XXYLT1: variants seen among roughly 807,000 people sequenced by gnomAD.
XXYLT1 encodes UDP-xylose:alpha-xyloside alpha-1,3-xylosyltransferase.
A neutral mutation model predicts 28.9 loss-of-function variants in XXYLT1; 20 were observed. That is an observed-to-expected ratio of 0.69 (90% confidence interval 0.49 to 1.00). XXYLT1 has a LOEUF of 1.00. Among genes scored for constraint, XXYLT1 ranks in the 50% least tolerant of loss-of-function variants. The pLI, the probability that XXYLT1 is intolerant of heterozygous loss-of-function variation, is 0.00. For synonymous variants in XXYLT1, 257 were observed against 253.8 expected (o/e 1.01, Z -0.12); for missense variants, 542 against 560.1 (o/e 0.97, Z 0.33).
rs1269390915 is a variant in XXYLT1 at position 195,115,449 on chromosome 3, C to T, written c.785+41000G>A. 6.6e-6 allele frequency among the ~76,000 whole-genome samples: 1 copy of T among 152,164 alleles called. No individual in the cohort carries two copies. The highest frequency in any genetic ancestry group is 1.5e-5 in the Non-Finnish European group (1 of 68,038). On this transcript the variant is annotated intron_variant, in intron 3 of 3. Transcript: ENST00000310380. The surrounding 1 kb of genome is among the most constrained non-coding windows in gnomAD (Gnocchi z 4.2). ...CAAAAGGCCCAGCCGGAAACCTGCC[C>T]CTTGAGCCCCTCCAACAATGTTGTA...
intron 3 of XXYLT1, among the ~76,000 whole-genome samples, chr3:195,072,163 C>T (rs968370799): frequency 3.3e-5 from 5 of 151,970 alleles, no homozygotes; most frequent in African/African-American, 1.2e-4. Context: ...GAAAGGCAGG[C>T]GTGGGGTGGA....
At chr3:195,126,483 G>C (rs1246404837) in intron 3 of XXYLT1, among the ~76,000 whole-genome samples, 4 of 152,212 alleles carry the variant, frequency 2.6e-5, no homozygotes, top group African/African-American at 4.8e-5. Context: ...GGATATAAAA[G>C]TGATGAAGGC....
At chr3:195,127,832 A>G (rs1049538676) in intron 3 of XXYLT1, among the ~76,000 whole-genome samples, 1 of 152,214 alleles carries the variant, frequency 6.6e-6, no homozygotes, top group Non-Finnish European at 1.5e-5. Flanking sequence ...AGGAAGTATT[A>G]ATAAAAAGTA....
rs540148249 is a variant in XXYLT1, at chr3:195,096,466, G to A, written c.786-26355C>T. ...ACTTACATAATACACATGCACATAC[G>A]CACACGTGTACGTAACAGACGCACA... On this transcript the variant is annotated intron_variant, in intron 3 of 3. Transcript: ENST00000310380. Among the ~76,000 whole-genome samples, 12 of 152,192 alleles carry A rather than the reference G, an allele frequency of 7.9e-5. No individual in the cohort carries two copies. The South Asian group carries it at 1.9e-3, about 24-fold the overall frequency.
At chr3:195,116,814 T>C (rs1718066106) in intron 3 of XXYLT1, among the ~76,000 whole-genome samples, 1 of 152,180 alleles carries the variant, frequency 6.6e-6, no homozygotes, top group African/African-American at 2.4e-5. Flanking sequence ...CTTGTTCTCC[T>C]TTCTGGAACC....
intron 3 of XXYLT1, among the ~76,000 whole-genome samples, chr3:195,126,251 C>G (rs1264204463): frequency 6.6e-6 from 1 of 152,192 alleles, no homozygotes; most frequent in Non-Finnish European, 1.5e-5. Flanking sequence ...CAGACCCAGG[C>G]CTGCGGAAAC....
At chr3:195,236,099 ACT>A (rs1418779793) in intron 1 of XXYLT1, among the ~76,000 whole-genome samples, 3 of 151,836 alleles carry the variant, frequency 2.0e-5, no homozygotes, top group African/African-American at 7.3e-5. Flanking sequence ...CTAGCTGACT[ACT>A]CTCTATGTTC....
In XXYLT1 at chr3:195,191,249, C is replaced by T. The variant is rs574418863; in HGVS notation, c.653-34668G>A. On this transcript the variant is annotated intron_variant, in intron 2 of 3. Coordinates refer to ENST00000310380, the MANE Select transcript of XXYLT1 (RefSeq NM_152531.5). ...ACCTCTCCTGCCTCCCCTTCCACCT[C>T]CTCCACCTCTGCCACCCCTCAGAAA... Among the ~76,000 whole-genome samples the T allele has an allele frequency of 1.1e-4, 16 of 152,278 alleles. No homozygotes were observed. In the East Asian group the frequency reaches 3.1e-3, roughly 29 times the overall value.
intron 2 of XXYLT1, among the ~76,000 whole-genome samples, chr3:195,191,439 T>C (rs1189064473): frequency 1.3e-5 from 2 of 152,240 alleles, no homozygotes; most frequent in African/African-American, 4.8e-5. Context: ...TTTACTTTAT[T>C]ATAAGAATAC....
chr3:195,151,249 A>G (rs1720227299), intron 3 of XXYLT1, among the ~76,000 whole-genome samples: 2 of 152,334 alleles, frequency 1.3e-5, no homozygotes, highest in African/African-American at 2.4e-5. Flanking sequence ...ATCTGTTAAA[A>G]TTTAAATTTC....
chr3:195,130,921 G>A (rs1239101171), intron 3 of XXYLT1, among the ~76,000 whole-genome samples: 1 of 152,064 alleles, frequency 6.6e-6, no homozygotes, highest in Non-Finnish European at 1.5e-5. Context: ...GAAAAACAAG[G>A]CAGAGCTGGA....
At chr3:195,267,646 G>A (rs1227280408) in intron 1 of XXYLT1, among the ~76,000 whole-genome samples, 1 of 152,188 alleles carries the variant, frequency 6.6e-6, no homozygotes, top group African/African-American at 2.4e-5. Flanking sequence ...TTAGAGTCTA[G>A]CAAGGAAGAC....
chr3:195,125,209 A>G (rs1448263718), intron 3 of XXYLT1, among the ~76,000 whole-genome samples: 2 of 152,246 alleles, frequency 1.3e-5, no homozygotes, highest in Non-Finnish European at 2.9e-5. Flanking sequence ...CCCCAAGAGC[A>G]GGGGAGGGGA....
At chr3:195,151,401 C>G (rs1179642545) in intron 3 of XXYLT1, among the ~76,000 whole-genome samples, 1 of 151,942 alleles carries the variant, frequency 6.6e-6, no homozygotes, top group Non-Finnish European at 1.5e-5. Context: ...AGTGGTGGCT[C>G]TGCCTGCAGT....
chr3:195,116,204 C>T (rs1425910739), intron 3 of XXYLT1, among the ~76,000 whole-genome samples: 1 of 152,154 alleles, frequency 6.6e-6, no homozygotes, highest in East Asian at 1.9e-4. Context: ...GAATCTGCAC[C>T]ATGCTGGATC....
rs1396757389 is a variant in XXYLT1 at position 195,255,914 on chromosome 3, T to C, written c.504+14641A>G. 6.6e-6 allele frequency among the ~76,000 whole-genome samples: 1 copy of C among 152,136 alleles called. No homozygotes were observed. The highest frequency in any genetic ancestry group is 2.4e-5 in the African/African-American group (1 of 41,446). ...ATCTCAGCCTGTAAATCCCACCTCC[T>C]AGAAAGAGGCTCCCTGCTGTTCTAT... On this transcript the variant is annotated intron_variant, in intron 1 of 3. Transcript: ENST00000310380. This position sits in a 1 kb window ranked among gnomAD's most constrained non-coding sequence, Gnocchi z 4.5.
In XXYLT1 at chr3:195,078,537, C is replaced by G. The variant is rs565302004; in HGVS notation, c.786-8426G>C. 1.2e-3 allele frequency among the ~76,000 whole-genome samples: 177 copies of G among 152,256 alleles called. No individual in the cohort carries two copies. Among genetic ancestry groups the G allele is most frequent in the Admixed American group, 1.6e-3 (25 of 15,306 alleles). Reference sequence around the variant, plus strand: ...CAAGTTCCCTCCAGCCTACCTCCCCCTCTTCCTCATCCCCATCCAAGCTGG... The same window carrying G: ...CAAGTTCCCTCCAGCCTACCTCCCCGTCTTCCTCATCCCCATCCAAGCTGG... On this transcript the variant is annotated intron_variant, in intron 3 of 3. Transcript: ENST00000310380. This position sits in a 1 kb window ranked among gnomAD's most constrained non-coding sequence, Gnocchi z 5.0.
At chr3:195,097,049 TC>T (rs1716488455) in intron 3 of XXYLT1, among the ~76,000 whole-genome samples, 1 of 152,236 alleles carries the variant, frequency 6.6e-6, no homozygotes, top group Non-Finnish European at 1.5e-5. Flanking sequence ...TCAGACGGGC[TC>T]CCCTGGCGTC....
At chr3:195,154,390 C>A (rs1368764049) in intron 3 of XXYLT1, among the ~76,000 whole-genome samples, 1 of 151,920 alleles carries the variant, frequency 6.6e-6, no homozygotes, top group African/African-American at 2.4e-5. Context: ...GAAGGCTGGA[C>A]TGGTAAGGGA....
Sources: gnomAD v4.1 joint callset for allele counts (sites outside exome capture counted in the v4.1 genomes callset) on GRCh38, gnomAD v4.1.1 for gene constraint, Gnocchi (gnomAD v3.1) non-coding constraint, MANE v1.5 for transcripts, NCBI Gene and HGNC (gene_info 2026-07-23, HGNC 2026-07-21) for gene names.